NPTN: variants seen among roughly 807,000 people sequenced by gnomAD.
NPTN encodes the protein SDR-1.
A neutral mutation model predicts 42.7 loss-of-function variants in NPTN; 5 were observed. The observed-to-expected ratio is 0.12, with a 90% CI of 0.06 to 0.25. The LOEUF (loss-of-function observed/expected upper bound fraction) is 0.25. Ranked by LOEUF, NPTN falls within the 10% of genes least tolerant of loss-of-function variation. The pLI, the probability that NPTN is intolerant of heterozygous loss-of-function variation, is 1.00. For synonymous variants in NPTN, 180 were observed against 201.9 expected (o/e 0.89, Z 0.92); for missense variants, 307 against 525.4 (o/e 0.58, Z 4.06).
intron 4 of NPTN, among the ~76,000 whole-genome samples, chr15:73,578,257 T>C (rs1895800173): frequency 6.6e-6 from 1 of 151,822 alleles, no homozygotes; most frequent in South Asian, 2.1e-4. Context: ...AAATGATGGG[T>C]GTGTTTTAAC....
chr15:73,568,122 G>A, intron 6 of NPTN: 1 of 985,408 alleles, frequency 1.0e-6, no homozygotes, highest in Non-Finnish European at 1.2e-6. Context: ...AAAAAGAGCT[G>A]CTTCCCTGGG....
At chr15:73,600,236 A>G (rs1897020645) in intron 1 of NPTN, among the ~76,000 whole-genome samples, 1 of 152,200 alleles carries the variant, frequency 6.6e-6, no homozygotes, top group African/African-American at 2.4e-5. Flanking sequence ...CCAAGACAAA[A>G]ATGTTCTTTG....
intron 2 of NPTN, among the ~76,000 whole-genome samples, chr15:73,594,931 G>C (rs181790895): frequency 1.3e-5 from 2 of 148,230 alleles, no homozygotes; most frequent in South Asian, 2.1e-4. Context: ...AGTCCAATTA[G>C]AGTTGGATCC....
intron 6 of NPTN, among the ~76,000 whole-genome samples, chr15:73,566,509 GCTGT>G (rs1212370399): frequency 6.6e-6 from 1 of 152,184 alleles, no homozygotes; most frequent in Non-Finnish European, 1.5e-5. Context: ...GTTTTAATTT[GCTGT>G]CTGTGAGGTC....
intron 1 of NPTN, among the ~76,000 whole-genome samples, chr15:73,631,583 C>T (rs1898745742): frequency 6.6e-6 from 1 of 152,188 alleles, no homozygotes; most frequent in Admixed American, 6.5e-5. Context: ...TCTCAAAAAA[C>T]TCCACTGGCT....
At chr15:73,598,928 T>C (rs1445881367) in intron 1 of NPTN, among the ~76,000 whole-genome samples, 1 of 152,216 alleles carries the variant, frequency 6.6e-6, no homozygotes, top group East Asian at 1.9e-4. Context: ...AGAACATTAA[T>C]GGAGGTACTA....
chr15:73,633,039 C>T, intron 1 of NPTN, 86 bp downstream of exon 1: 1 of 969,340 alleles, frequency 1.0e-6, no homozygotes, highest in South Asian at 2.5e-5. Flanking sequence ...CCCCGAGCTC[C>T]AGCGTCTCCT....
rs372754138 is a variant in NPTN at position 73,570,573 on chromosome 15, TCAA to T, written c.841-153_841-151del. ...TTTCATTAATGATTTCCCTTCAGTA[TCAA>T]CAACAACAAATCAACTTCTGACAGA... is the stretch of plus-strand genomic sequence containing the variant. On this transcript the variant is annotated intron_variant, in intron 5 of 8. Coordinates refer to ENST00000345330, the MANE Select transcript of NPTN (RefSeq NM_012428.4). The surrounding 1 kb of genome is among the most constrained non-coding windows in gnomAD (Gnocchi z 4.0). The T allele has an allele frequency of 9.8e-6, 7 of 717,002 alleles. No individual in the cohort carries two copies. Among genetic ancestry groups the T allele is most frequent in the South Asian group, 5.8e-5 (3 of 51,878 alleles). The allele number at this position is 717,002 out of a possible 1,614,324, so 44.4% of individuals were successfully genotyped here.
intron 3 of NPTN, among the ~76,000 whole-genome samples, chr15:73,588,645 A>G (rs1192196209): frequency 6.6e-6 from 1 of 152,204 alleles, no homozygotes; most frequent in Non-Finnish European, 1.5e-5. Context: ...TCCTTTACAG[A>G]GAATGCTCTT....
chr15:73,587,737 C>T (rs1208045078), intron 3 of NPTN, 119 bp from the exon 4 acceptor site: 1 of 684,876 alleles, frequency 1.5e-6, no homozygotes, highest in African/African-American at 1.8e-5. Flanking sequence ...TGCAACTCAC[C>T]TCCTTCTAAC....
intron 1 of NPTN, among the ~76,000 whole-genome samples, chr15:73,613,325 C>T (rs1897685197): frequency 6.6e-6 from 1 of 152,148 alleles, no homozygotes; most frequent in South Asian, 2.1e-4. Context: ...AAATCTTCCA[C>T]CTTATTCTTC....
At chr15:73,618,270 T>TA (rs1043228907) in intron 1 of NPTN, among the ~76,000 whole-genome samples, 11 of 151,832 alleles carry the variant, frequency 7.2e-5, no homozygotes, top group African/African-American at 1.5e-4. Context: ...TTAAAAGAGT[T>TA]AAAAAAAATA....
At chr15:73,632,110 G>A (rs77158970) in intron 1 of NPTN, among the ~76,000 whole-genome samples, 16,465 of 152,024 alleles carry the variant, frequency 0.11, 1,153 homozygotes, top group African/African-American at 0.2. Context: ...TTGCAGCTAT[G>A]TGTCCCTGTT....
rs1054196557 is a variant in NPTN at position 73,593,246 on chromosome 15, G to A, written c.440-1109C>T. On this transcript the variant is annotated intron_variant, in intron 2 of 8. Coordinates refer to ENST00000345330, the MANE Select transcript of NPTN (RefSeq NM_012428.4). ...TTAAAGCACTTTGAAATCTATCACT[G>A]TATTAAAGTCAAGACATTTCTATGT... 2.6e-5 allele frequency among the ~76,000 whole-genome samples: 4 copies of A among 152,210 alleles called. No homozygotes were observed. In the South Asian group the frequency reaches 8.3e-4, roughly 32 times the overall value.
Position 73,592,018 on chromosome 15 carries a change from T to C in NPTN, c.559A>G (p.Asn187Asp). 1 of 1,614,066 alleles carries C rather than the reference T, an allele frequency of 6.2e-7. No individual in the cohort carries two copies. Among genetic ancestry groups the C allele is most frequent in the Non-Finnish European group, 8.5e-7 (1 of 1,179,962 alleles). The change falls in exon 3 of 9, where the codon AAT becomes GAT. Residue 187 changes from asparagine (N) to aspartate (D), a missense_variant. By Grantham distance (23) the Asn-to-Asp change is conservative. Around this residue, in one of 2 missense-constraint regions of NPTN, gnomAD observed 264 missense variants for 491.1 expected, o/e 0.54. Transcript: ENST00000345330. ...CGAGTGGCACTCAGTTCCACCCCAT[T>C]CTTTGTCCAGTAGCTGTATGTAAGG... ...HTLTYSYWTK[N>D]GVELSATRKN... is the part of the protein sequence containing the mutation.
At chr15:73,596,888 G>A in intron 2 of NPTN, 134 bp downstream of exon 2, 1 of 730,502 alleles carries the variant, frequency 1.4e-6, no homozygotes, top group South Asian at 1.9e-5. Context: ...AAGGGTCATG[G>A]GATTGAAAAA....
intron 6 of NPTN, among the ~76,000 whole-genome samples, chr15:73,565,504 A>G (rs1457277079): frequency 6.6e-6 from 1 of 152,244 alleles, no homozygotes; most frequent in East Asian, 1.9e-4. Context: ...TGAAGCGGAG[A>G]TTAAACAAAC....
intron 2 of NPTN, among the ~76,000 whole-genome samples, chr15:73,594,071 C>T (rs1566974190): frequency 6.6e-6 from 1 of 152,082 alleles, no homozygotes; most frequent in Non-Finnish European, 1.5e-5. Flanking sequence ...AAGATAGAAC[C>T]AGTACTCCAC....
At chr15:73,561,492 CAACATGATGA>C (rs1010275322) in intron 8 of NPTN, among the ~76,000 whole-genome samples, 1 of 152,082 alleles carries the variant, frequency 6.6e-6, no homozygotes, top group African/African-American at 2.4e-5. Context: ...CCACCCTGGC[CAACATGATGA>C]AACCCCGTCT....
Sources: gnomAD v4.1 joint callset for allele counts (sites outside exome capture counted in the v4.1 genomes callset) on GRCh38, gnomAD v4.1.1 for gene constraint, gnomAD v4.1.1 regional missense constraint, Gnocchi (gnomAD v3.1) non-coding constraint, MANE v1.5 for transcripts, NCBI Gene and HGNC (gene_info 2026-07-23, HGNC 2026-07-21) for gene names.